Variants in ELP4 observed in about 807,000 individuals in gnomAD.
ELP4 encodes the protein elongator complex protein 4.
Under a neutral mutation model 48.9 loss-of-function variants are expected in ELP4, and 51 were observed. The observed-to-expected ratio is 1.04, with a 90% confidence interval of 0.83 to 1.32. The LOEUF (loss-of-function observed/expected upper bound fraction) is 1.32, where lower values mean the gene tolerates loss of function less well. Ranked by LOEUF, ELP4 falls within the 40% of genes most tolerant of loss-of-function variation. The pLI, the probability that ELP4 is intolerant of heterozygous loss-of-function variation, is 0.00. For synonymous variants in ELP4, 210 were observed against 189.2 expected (o/e 1.11, Z -0.90); for missense variants, 519 against 514.6 (o/e 1.01, Z -0.08).
In ELP4 at chr11:31,673,852, G is replaced by T. The variant is rs190667521; in HGVS notation, c.1143+23631G>T. Among the ~76,000 whole-genome samples the T allele has an allele frequency of 9.9e-4, 151 of 152,282 alleles. 1 individual carries two copies. Among genetic ancestry groups the T allele is most frequent in the African/African-American group, 3.3e-3 (139 of 41,562 alleles). ...TATGATGCACTAGTATTTACTTCTT[G>T]ATTTTTTTGATATCTAATGAAATGC... On this transcript the variant is annotated intron_variant, in intron 9 of 9. Coordinates refer to ENST00000640961, the MANE Select transcript of ELP4 (RefSeq NM_019040.5).
chr11:31,570,862 C>T (rs1460341760), intron 3 of ELP4, among the ~76,000 whole-genome samples: 2 of 143,906 alleles, frequency 1.4e-5, no homozygotes, highest in East Asian at 2.0e-4. Flanking sequence ...TGCAGTGGCA[C>T]CATCTCGGCT....
At chr11:31,724,905 CCT>C (rs759537161) in intron 9 of ELP4, among the ~76,000 whole-genome samples, 18 of 152,148 alleles carry the variant, frequency 1.2e-4, no homozygotes, top group Non-Finnish European at 1.9e-4. Flanking sequence ...TTTAAAATCT[CCT>C]CTGCTTTTTT....
chr11:31,618,564 C>A (rs1052648353), intron 5 of ELP4, among the ~76,000 whole-genome samples: 6 of 152,030 alleles, frequency 3.9e-5, no homozygotes, highest in Non-Finnish European at 7.4e-5. Flanking sequence ...CCACTTAATA[C>A]GGTAACAATG....
chr11:31,588,959 G>A (rs959021842), intron 3 of ELP4, among the ~76,000 whole-genome samples: 3 of 151,962 alleles, frequency 2.0e-5, no homozygotes, highest in Non-Finnish European at 4.4e-5. Flanking sequence ...TGCTAGCCTG[G>A]GCAACAGAGT....
At chr11:31,567,722 G>A (rs755443889) in intron 3 of ELP4, among the ~76,000 whole-genome samples, 6 of 152,118 alleles carry the variant, frequency 3.9e-5, no homozygotes, top group Non-Finnish European at 7.3e-5. Context: ...TTATTTCCCA[G>A]TGCATATAAA....
chr11:31,750,443 ATC>A (rs960300239), intron 9 of ELP4, among the ~76,000 whole-genome samples: 8 of 150,966 alleles, frequency 5.3e-5, no homozygotes, highest in Non-Finnish European at 7.4e-5. Flanking sequence ...AGTAAAAACC[ATC>A]TCTCTTCCCT....
At chr11:31,662,719 AAC>A in intron 9 of ELP4, 1 of 394,642 alleles carries the variant, frequency 2.5e-6, no homozygotes, top group Non-Finnish European at 4.5e-6. Context: ...TTTGAAAAAT[AAC>A]ACATACAGTC....
intron 3 of ELP4, among the ~76,000 whole-genome samples, chr11:31,567,058 G>T (rs1456298896): frequency 6.6e-6 from 1 of 151,556 alleles, no homozygotes; most frequent in Admixed American, 6.6e-5. Flanking sequence ...AGCCTCCCGA[G>T]TAACTGGGAT....
intron 5 of ELP4, among the ~76,000 whole-genome samples, chr11:31,615,236 T>C (rs1958054948): frequency 6.6e-6 from 1 of 152,174 alleles, no homozygotes; most frequent in Admixed American, 6.6e-5. Flanking sequence ...TACATGCATA[T>C]ATTTCATTAA....
At chr11:31,569,016 C>T (rs1472447187) in intron 3 of ELP4, among the ~76,000 whole-genome samples, 2 of 150,988 alleles carry the variant, frequency 1.3e-5, no homozygotes, top group Admixed American at 6.6e-5. Flanking sequence ...ACCCAGGAGG[C>T]GGAGGTTGCA....
chr11:31,768,126 T>G (rs1948076137), intron 9 of ELP4, among the ~76,000 whole-genome samples: 1 of 152,172 alleles, frequency 6.6e-6, no homozygotes, highest in African/African-American at 2.4e-5. Context: ...ACTTAAGATT[T>G]TTTTTTCTAA....
intron 9 of ELP4, among the ~76,000 whole-genome samples, chr11:31,748,619 G>T (rs779033247): frequency 2.6e-5 from 4 of 152,074 alleles, no homozygotes; most frequent in Non-Finnish European, 5.9e-5. Context: ...ACTATTATTG[G>T]TGTCTTTTTC....
intron 2 of ELP4, among the ~76,000 whole-genome samples, chr11:31,532,411 G>A (rs1434189686): frequency 6.6e-6 from 1 of 152,148 alleles, no homozygotes; most frequent in African/African-American, 2.4e-5. Flanking sequence ...AGGATAGTAT[G>A]GGGAGCAAGA....
intron 2 of ELP4, among the ~76,000 whole-genome samples, chr11:31,530,716 G>T (rs976296587): frequency 6.6e-6 from 1 of 152,090 alleles, no homozygotes; most frequent in African/African-American, 2.4e-5. Flanking sequence ...TAGTCCAACA[G>T]ATATTTGAAG....
intron 9 of ELP4, among the ~76,000 whole-genome samples, chr11:31,765,582 G>A (rs1251815286): frequency 6.6e-6 from 1 of 152,046 alleles, no homozygotes; most frequent in Non-Finnish European, 1.5e-5. Context: ...TTATCAAAGA[G>A]ATGAGTTGTA....
intron 9 of ELP4, among the ~76,000 whole-genome samples, chr11:31,680,183 G>A (rs1946026731): frequency 6.6e-6 from 1 of 152,178 alleles, no homozygotes; most frequent in African/African-American, 2.4e-5. Flanking sequence ...TGCTTGTGGA[G>A]ACAGGAATGA....
intron 9 of ELP4, among the ~76,000 whole-genome samples, chr11:31,669,251 A>C (rs2134103792): frequency 6.6e-6 from 1 of 152,098 alleles, no homozygotes; most frequent in South Asian, 2.1e-4. Context: ...ATGCCCAGCT[A>C]ATTTTTTGTA....
intron 9 of ELP4, chr11:31,682,064 A>C (rs949839467): frequency 1.0e-5 from 13 of 1,295,436 alleles, no homozygotes; most frequent in Non-Finnish European, 1.3e-5. Flanking sequence ...TTCAAAGAGA[A>C]CAAGTCTAAA....
chr11:31,751,271 A>G (rs937090565), intron 9 of ELP4, among the ~76,000 whole-genome samples: 1 of 152,212 alleles, frequency 6.6e-6, no homozygotes, highest in Non-Finnish European at 1.5e-5. Context: ...TAAGGGCTTA[A>G]TTTATTTCAT....
Sources: allele counts gnomAD v4.1 joint callset (sites outside exome capture counted in the v4.1 genomes callset), GRCh38; gene constraint gnomAD v4.1.1; transcripts MANE v1.5; gene names NCBI Gene and HGNC (gene_info 2026-07-23, HGNC 2026-07-21).